The following TMPRSS4 variants were observed in gnomAD, a reference collection of about 807,000 sequenced individuals.
The protein encoded by TMPRSS4 is transmembrane serine protease 4.
In TMPRSS4, 45 loss-of-function variants were observed where a neutral mutation model predicts 56.4. The ratio of observed to expected loss-of-function variants is 0.80; its 90% CI spans 0.63 to 1.02. The LOEUF is 1.02. Ranked by LOEUF, TMPRSS4 falls within the 50% of genes least tolerant of loss-of-function variation. The probability of loss-of-function intolerance (pLI) is 0.00; values close to 1 mark genes in which losing one functional copy is unlikely to be tolerated. For synonymous variants in TMPRSS4, 205 were observed against 211.0 expected (o/e 0.97, Z 0.25); for missense variants, 546 against 556.7 (o/e 0.98, Z 0.19).
chr11:118,096,013 A>T (rs1162850251), intron 2 of TMPRSS4, among the ~76,000 whole-genome samples: 1 of 152,186 alleles, frequency 6.6e-6, no homozygotes, highest in Non-Finnish European at 1.5e-5. Flanking sequence ...CTGGTCTTGG[A>T]CACAGGAACC....
chr11:118,109,411 G>C (rs954219136), intron 7 of TMPRSS4, among the ~76,000 whole-genome samples: 2 of 152,258 alleles, frequency 1.3e-5, no homozygotes, highest in Non-Finnish European at 2.9e-5. Context: ...CTAAGTAAGA[G>C]AGAGATGCAA....
rs1182189207 is a variant in TMPRSS4, at chr11:118,121,853, C to G, written c.*3940C>G. ...AAGGCCTAACTGAAATATGGAGTAA[C>G]CACAGCATGCAGCATGTAAATTAAA... On this transcript the variant is annotated 3_prime_UTR_variant, in exon 13 of 13. Transcript: ENST00000437212. The G allele has an allele frequency of 1.3e-5, 2 of 151,938 alleles. No individual in the cohort carries two copies. Among genetic ancestry groups the G allele is most frequent in the African/African-American group, 4.8e-5 (2 of 41,326 alleles). The allele number at this position is 151,938 out of a possible 1,614,324, so 9.4% of individuals were successfully genotyped here.
At chr11:118,104,473 C>G (rs1946884155) in intron 4 of TMPRSS4, among the ~76,000 whole-genome samples, 1 of 152,104 alleles carries the variant, frequency 6.6e-6, no homozygotes, top group East Asian at 1.9e-4. Context: ...AAAATGGAGA[C>G]CTACCCTGGG....
chr11:118,117,587 G>A, intron 12 of TMPRSS4, 133 bp downstream of exon 12: 1 of 1,489,166 alleles, frequency 6.7e-7, no homozygotes, highest in Non-Finnish European at 8.9e-7. Flanking sequence ...CTCCAAGCAA[G>A]GGACAGCCTG....
chr11:118,098,891 C>T (rs1946561955), intron 2 of TMPRSS4, 94 bp from the exon 3 acceptor site: 3 of 962,620 alleles, frequency 3.1e-6, no homozygotes, highest in Non-Finnish European at 4.9e-6. Flanking sequence ...GCATACCTGT[C>T]ACCGGCCAGA....
At chr11:118,096,908 A>AG (rs1565422527) in intron 2 of TMPRSS4, among the ~76,000 whole-genome samples, 5 of 45,460 alleles carry the variant, frequency 1.1e-4, no homozygotes, top group African/African-American at 5.1e-4. Context: ...AGAAAGAAAG[A>AG]AAGGGAGAGA....
chr11:118,090,614 G>GAAGA (rs1555082612), intron 1 of TMPRSS4, among the ~76,000 whole-genome samples: 1 of 138,430 alleles, frequency 7.2e-6, no homozygotes, highest in African/African-American at 2.7e-5. Flanking sequence ...TCATCTCTAC[G>GAAGA]AAAAAAAAAA....
chr11:118,098,724 C>T (rs930624203), intron 2 of TMPRSS4, among the ~76,000 whole-genome samples: 7 of 152,152 alleles, frequency 4.6e-5, no homozygotes, highest in African/African-American at 7.2e-5. Flanking sequence ...AGGCAAGACA[C>T]GGGGGAGGTG....
At chr11:118,093,051 G>A (rs11216740) in intron 1 of TMPRSS4, among the ~76,000 whole-genome samples, 47,392 of 152,088 alleles carry the variant, frequency 0.31, 8,245 homozygotes, top group South Asian at 0.49. Flanking sequence ...ATTCTGACTC[G>A]ACCCCTGCAG....
downstream of TMPRSS4, among the ~76,000 whole-genome samples, chr11:118,123,447 AAAT>A (rs1453460209): frequency 6.6e-6 from 1 of 152,234 alleles, no homozygotes; most frequent in East Asian, 1.9e-4. Flanking sequence ...ACTAAAAGAC[AAAT>A]CCAGAAGGTG....
At position 118,077,129 on chromosome 11, in the gene TMPRSS4, C is replaced by A. The variant is rs1464494668; in HGVS notation, c.-174C>A. 1 of 626,556 alleles carries A rather than the reference C, an allele frequency of 1.6e-6. No individual in the cohort carries two copies. Among genetic ancestry groups the A allele is most frequent in the Non-Finnish European group, 2.7e-6 (1 of 370,798 alleles). The allele number at this position is 626,556 out of a possible 1,614,324, so 38.8% of individuals were successfully genotyped here. A position where few individuals can be genotyped will look rare whatever the true frequency, so the allele number is the denominator to read the frequency against. ...GCAGCTTGCTCAGCGGACAAGGATG[C>A]TGGGCGTGAGGGACCAAGGCCTGCC... On this transcript the variant is annotated 5_prime_UTR_variant, in exon 1 of 13. In the 5' UTR this introduces an upstream ATG that the reference lacks. Transcript: ENST00000437212.
rs749979292 is a variant in TMPRSS4, at chr11:118,096,846, GGAAAGAAAGAAAGAAAGAAAGAAA to G, written c.43+2033_43+2056del. Among the ~76,000 whole-genome samples, 4 of 36,292 alleles carry G rather than the reference GGAAAGAAAGAAAGAAAGAAAGAAA, an allele frequency of 1.1e-4. 1 individual carries two copies. The highest frequency in any genetic ancestry group is 7.2e-4 in the Admixed American group (2 of 2,778). The allele number at this position is 36,292 out of a possible 152,430, so 23.8% of individuals were successfully genotyped here. A position where few individuals can be genotyped will look rare whatever the true frequency, so the allele number is the denominator to read the frequency against. Reference sequence around the variant, plus strand: ...AAGAGAGAAAGAAAGAAGGAAAGAAGGAAAGAAAGAAAGAAAGAAAGAAAGAAAGAAAGAAAGAAAGAAAGAAAG... The same window carrying G: ...AAGAGAGAAAGAAAGAAGGAAAGAAGGAAAGAAAGAAAGAAAGAAAGAAAG... On this transcript the variant is annotated intron_variant, in intron 2 of 12. Transcript: ENST00000437212.
chr11:118,090,566 C>T (rs1945866315), intron 1 of TMPRSS4, among the ~76,000 whole-genome samples: 1 of 148,534 alleles, frequency 6.7e-6, no homozygotes, highest in African/African-American at 2.5e-5. Flanking sequence ...CATTTGAGTC[C>T]AGGAGTTCGA....
At chr11:118,094,752 C>G in intron 1 of TMPRSS4, 64 bp from the exon 2 acceptor site, 3 of 1,506,292 alleles carry the variant, frequency 2.0e-6, no homozygotes, top group Non-Finnish European at 2.7e-6. Flanking sequence ...AAGAACCTCC[C>G]GTAGGCTGCT....
intron 4 of TMPRSS4, 26 bp downstream of exon 4, chr11:118,103,279 A>T (rs1468939861): frequency 6.2e-7 from 1 of 1,603,432 alleles, no homozygotes; most frequent in Non-Finnish European, 8.5e-7. Context: ...GAGGCACAAG[A>T]GAAGTGGGCC....
intron 7 of TMPRSS4, among the ~76,000 whole-genome samples, chr11:118,110,092 G>C (rs1188270962): frequency 1.3e-5 from 2 of 152,212 alleles, no homozygotes; most frequent in Non-Finnish European, 2.9e-5. Context: ...CCAGGGACTG[G>C]GGGCCCAGGC....
chr11:118,101,383 A>G (rs1007268002), intron 3 of TMPRSS4, among the ~76,000 whole-genome samples: 2 of 152,168 alleles, frequency 1.3e-5, no homozygotes, highest in Admixed American at 1.3e-4. Flanking sequence ...GGGTCCCATC[A>G]GGCCAAGACA....
chr11:118,118,345 T>C lies in TMPRSS4; in HGVS notation c.*432T>C. ...CAAGCCTACTAGAGCAAGAAACCAG[T>C]TGTAATATAAAATGCACTGCCCTAC... On this transcript the variant is annotated 3_prime_UTR_variant, in exon 13 of 13. Coordinates refer to ENST00000437212, the MANE Select transcript of TMPRSS4 (RefSeq NM_019894.4). The C allele has an allele frequency of 1.9e-6, 2 of 1,040,852 alleles. No homozygotes were observed. Among genetic ancestry groups the C allele is most frequent in the Non-Finnish European group, 2.3e-6 (2 of 866,162 alleles). 64.5% of individuals were successfully genotyped at this position (1,040,852 alleles called of 1,614,324 possible). A position where few individuals can be genotyped will look rare whatever the true frequency, so the allele number is the denominator to read the frequency against.
chr11:118,117,445 T>C lies in TMPRSS4; in HGVS notation c.1293T>C (p.Asn431=), dbSNP rs1162130748. 6 of 1,613,192 alleles carry C rather than the reference T, an allele frequency of 3.7e-6. No individual in the cohort carries two copies. The highest frequency in any genetic ancestry group is 5.1e-6 in the Non-Finnish European group (6 of 1,179,474). Residue 431 remains asparagine, a synonymous_variant, in exon 12 of 13, where the codon AAT becomes AAC. Coordinates refer to ENST00000437212, the MANE Select transcript of TMPRSS4 (RefSeq NM_019894.4). ...CAGCCTATCTCAACTGGATCTACAA[T>C]GTCTGGAAGGTAAGGTACCTTTGCC... ...KVSAYLNWIY[N]VWKAEL
Sources: gnomAD v4.1 joint callset for allele counts (sites outside exome capture counted in the v4.1 genomes callset) on GRCh38, gnomAD v4.1.1 for gene constraint, MANE v1.5 for transcripts, NCBI Gene and HGNC (gene_info 2026-07-23, HGNC 2026-07-21) for gene names.